SREK1IP1: variants seen among roughly 807,000 people sequenced by gnomAD.
The protein encoded by SREK1IP1 is protein SREK1IP1.
Under a neutral mutation model 22.8 loss-of-function variants are expected in SREK1IP1, and 12 were observed. That is an observed-to-expected ratio of 0.53 (90% CI 0.34 to 0.85). SREK1IP1 has a LOEUF of 0.85. SREK1IP1 is among the 40% of genes least tolerant of loss of function. SREK1IP1 has a pLI of 0.02. For missense variants in SREK1IP1, 147 were observed against 171.8 expected (o/e 0.86, Z 0.81); for synonymous variants, 53 against 52.7 (o/e 1.01, Z -0.02).
At chr5:64,725,958 C>T (rs1038324822) in intron 4 of SREK1IP1, among the ~76,000 whole-genome samples, 5 of 150,826 alleles carry the variant, frequency 3.3e-5, no homozygotes, top group Admixed American at 2.6e-4. Flanking sequence ...TCCGCTCCCC[C>T]GAGTTCAAGC....
intron 3 of SREK1IP1, among the ~76,000 whole-genome samples, chr5:64,737,496 G>A (rs1436252263): frequency 7.9e-6 from 1 of 127,126 alleles, no homozygotes; most frequent in Non-Finnish European, 1.6e-5. Context: ...AAGTGAAGTG[G>A]TTCATACTGT....
Position 64,760,408 on chromosome 5 carries a change from T to G in SREK1IP1, c.14-6046A>C, listed in dbSNP as rs6449756. ...TAAGACAGCTGGGCACAAAGGGAGG[T>G]GGGGGGAAAGTCTCTTGAGCAACTG... On this transcript the variant is annotated intron_variant, in intron 1 of 4. Transcript: ENST00000513458. Among the ~76,000 whole-genome samples the G allele has an allele frequency of 6.4e-3, 975 of 151,852 alleles. 9 individuals are homozygous for G. Among genetic ancestry groups the G allele is most frequent in the African/African-American group, 0.023 (950 of 41,406 alleles).
chr5:64,739,073 T>C (rs903642078), intron 3 of SREK1IP1, among the ~76,000 whole-genome samples: 4 of 152,158 alleles, frequency 2.6e-5, no homozygotes, highest in Non-Finnish European at 5.9e-5. Context: ...CCCTGTGATA[T>C]GAAGTTTTAT....
intron 3 of SREK1IP1, among the ~76,000 whole-genome samples, chr5:64,731,501 AAC>A (rs1392289706): frequency 6.7e-6 from 1 of 149,670 alleles, no homozygotes; most frequent in African/African-American, 2.5e-5. Flanking sequence ...CAGCCTAGAC[AAC>A]AGAGTGGGCC....
At chr5:64,748,541 T>C (rs1269721347) in intron 2 of SREK1IP1, among the ~76,000 whole-genome samples, 1 of 152,320 alleles carries the variant, frequency 6.6e-6, no homozygotes, top group Non-Finnish European at 1.5e-5. Flanking sequence ...CATGGCATAG[T>C]ATTAAATCTT....
chr5:64,741,211 C>T lies in SREK1IP1; in HGVS notation c.62-11G>A. The T allele has an allele frequency of 6.3e-7, 1 of 1,598,252 alleles. No homozygotes were observed. Among genetic ancestry groups the T allele is most frequent in the Non-Finnish European group, 8.5e-7 (1 of 1,173,042 alleles). ...AAGTCAGGTGACCAGCTAAGTGAAACAAACAAAAAAAATGTGAGTGATAAA... is the reference window on the plus strand; with the variant it reads ...AAGTCAGGTGACCAGCTAAGTGAAATAAACAAAAAAAATGTGAGTGATAAA... On this transcript the variant is annotated splice_polypyrimidine_tract_variant and intron_variant, in intron 2 of 4. Transcript: ENST00000513458.
At chr5:64,725,857 G>GTTTTTTTTTTTTTTTT (rs1742254071) in intron 4 of SREK1IP1, among the ~76,000 whole-genome samples, 1 of 108,078 alleles carries the variant, frequency 9.3e-6, no homozygotes, top group Admixed American at 8.9e-5. Context: ...TTTTTTGTTT[G>GTTTTTTTTTTTTTTTT]TTTCTTTTTT....
At chr5:64,742,768 C>A (rs1742571828) in intron 2 of SREK1IP1, among the ~76,000 whole-genome samples, 1 of 152,134 alleles carries the variant, frequency 6.6e-6, no homozygotes, top group Non-Finnish European at 1.5e-5. Context: ...TTCTCCTTTC[C>A]TTTGGTTGTT....
At chr5:64,744,573 T>C (rs1056198123) in intron 2 of SREK1IP1, among the ~76,000 whole-genome samples, 6 of 152,206 alleles carry the variant, frequency 3.9e-5, no homozygotes, top group Admixed American at 2.6e-4. Context: ...CGTTGGGTAA[T>C]ATGAAATTGC....
chr5:64,728,330 T>C (rs1038342825), intron 3 of SREK1IP1, 151 bp from the exon 4 acceptor site: 6 of 779,078 alleles, frequency 7.7e-6, no homozygotes, highest in African/African-American at 1.9e-5. Flanking sequence ...TAATTATCTT[T>C]ATCCATTAAA....
intron 2 of SREK1IP1, among the ~76,000 whole-genome samples, chr5:64,753,885 C>T (rs1314986240): frequency 6.6e-6 from 1 of 152,084 alleles, no homozygotes; most frequent in African/African-American, 2.4e-5. Flanking sequence ...CAAGTTTTCG[C>T]CCATGAGCAG....
At chr5:64,765,201 A>T (rs1457168428) in intron 1 of SREK1IP1, 6 of 152,234 alleles carry the variant, frequency 3.9e-5, no homozygotes, top group Non-Finnish European at 5.9e-5. Context: ...CTATAATAAC[A>T]ACTAAGAGTA....
intron 3 of SREK1IP1, 120 bp from the exon 4 acceptor site, chr5:64,728,299 T>G: frequency 2.1e-6 from 2 of 973,048 alleles, no homozygotes; most frequent in Non-Finnish European, 2.7e-6. Context: ...GGATAATTTT[T>G]GTAATAATTT....
chr5:64,727,994 A>C, intron 4 of SREK1IP1, 113 bp downstream of exon 4: 1 of 948,962 alleles, frequency 1.1e-6, no homozygotes, highest in Non-Finnish European at 1.3e-6. Flanking sequence ...TGAAAAGCTT[A>C]GTTGTTGAAG....
chr5:64,757,144 G>A (rs1056668647), intron 1 of SREK1IP1, among the ~76,000 whole-genome samples: 8 of 152,096 alleles, frequency 5.3e-5, no homozygotes, highest in African/African-American at 1.7e-4. Context: ...GCATCATGGC[G>A]TACGCCTGTA....
chr5:64,730,826 A>C (rs191862281), intron 3 of SREK1IP1, among the ~76,000 whole-genome samples: 1 of 152,334 alleles, frequency 6.6e-6, no homozygotes, highest in Admixed American at 6.5e-5. Context: ...CACTGCTGTA[A>C]GGGGATCAGC....
intron 2 of SREK1IP1, among the ~76,000 whole-genome samples, chr5:64,745,310 G>A (rs192614241): frequency 1.3e-5 from 2 of 152,288 alleles, no homozygotes; most frequent in South Asian, 2.1e-4. Flanking sequence ...GATGATACAG[G>A]CTGGGCATGG....
At chr5:64,765,360 C>T (rs2112120236) in intron 1 of SREK1IP1, among the ~76,000 whole-genome samples, 1 of 152,278 alleles carries the variant, frequency 6.6e-6, no homozygotes, top group East Asian at 1.9e-4. Flanking sequence ...AGCCTTGTTA[C>T]TTTATAATCA....
intron 2 of SREK1IP1, among the ~76,000 whole-genome samples, chr5:64,749,840 C>T (rs1035604400): frequency 1.3e-5 from 2 of 152,186 alleles, no homozygotes; most frequent in East Asian, 1.9e-4. Context: ...GATTCTTAAA[C>T]ATGTAACTGT....
Sources: allele counts gnomAD v4.1 joint callset (sites outside exome capture counted in the v4.1 genomes callset), GRCh38; gene constraint gnomAD v4.1.1; transcripts MANE v1.5; gene names NCBI Gene and HGNC (gene_info 2026-07-23, HGNC 2026-07-21).